The following MEN1 variants were observed in gnomAD, a reference collection of about 807,000 sequenced individuals.
MEN1 encodes the protein menin 1.
Under a neutral mutation model 58.0 loss-of-function variants are expected in MEN1, and 6 were observed. The observed-to-expected ratio is 0.10, with a 90% CI of 0.06 to 0.20. The LOEUF (loss-of-function observed/expected upper bound fraction) is 0.20. Among genes scored for constraint, MEN1 ranks in the 10% least tolerant of loss-of-function variants. The pLI, the probability that MEN1 is intolerant of heterozygous loss-of-function variation, is 1.00. For synonymous variants in MEN1, 346 were observed against 350.7 expected, an observed-to-expected ratio of 0.99 and a Z score of 0.15; for missense variants, 492 against 818.5, an observed-to-expected ratio of 0.60 and a Z score of 4.87.
chr11:64,804,799 G>A lies in MEN1; in HGVS notation c.1368C>T (p.Arg456=). Residue 456 remains arginine (R), a synonymous_variant, in exon 10 of 10, where the codon CGC becomes CGT. Coordinates refer to ENST00000450708, the MANE Select transcript of MEN1 (RefSeq NM_001370259.2). The surrounding 1 kb of genome is among the most constrained non-coding windows in gnomAD (Gnocchi z 4.2). ...CCGCCTCGGCCTCTCGGCTCACTAT[G>A]CGCACCTTCTGCCGCACCTGGGCCA... is the stretch of plus-strand genomic sequence containing the variant. The part of the protein sequence containing the change: ...RFEGQVRQKV[R]IVSREAEAAE... The A allele has an allele frequency of 1.9e-6, 3 of 1,597,340 alleles. No individual in the cohort carries two copies. Among genetic ancestry groups the A allele is most frequent in the Non-Finnish European group, 2.5e-6 (3 of 1,179,292 alleles).
rs2136136960 is a variant in MEN1, at chr11:64,807,302, G to A, written c.784-83C>T. 4 of 1,481,698 alleles carry A rather than the reference G, an allele frequency of 2.7e-6. No homozygotes were observed. The highest frequency in any genetic ancestry group is 2.4e-5 in the South Asian group (2 of 84,986). The allele number at this position is 1,481,698 out of a possible 1,614,324, so 91.8% of individuals were successfully genotyped here. ...GCCTATCGGGCAGAGGTGGGGGTCA[G>A]AACCAACAGGGACCACCCACCATGT... On this transcript the variant is annotated intron_variant, in intron 4 of 9. Coordinates refer to ENST00000450708, the MANE Select transcript of MEN1 (RefSeq NM_001370259.2). The surrounding 1 kb of genome is among the most constrained non-coding windows in gnomAD (Gnocchi z 4.9).
At chr11:64,806,016 G>A (rs1423554663) in intron 7 of MEN1, 19 of 672,930 alleles carry the variant, frequency 2.8e-5, no homozygotes, top group Non-Finnish European at 4.8e-5. Context: ...AGACTGTTCT[G>A]AGAAAAAAAA....
In MEN1 at chr11:64,805,071, G is replaced by A; in HGVS notation, c.1313C>T (p.Thr438Ile). 1 of 1,614,106 alleles carries A rather than the reference G, an allele frequency of 6.2e-7. No individual in the cohort carries two copies. Among genetic ancestry groups the A allele is most frequent in the Non-Finnish European group, 8.5e-7 (1 of 1,180,000 alleles). ...ACGGCCTAGGGACTGCACAAGAAAG[G>A]TGGCCCAGCCCACATGCAGCACAGG... ...PTPVLHVGWA[T>I]FLVQSLGRFE... is the part of the protein sequence containing the mutation. Residue 438 changes from threonine to isoleucine, a missense_variant, in exon 9 of 10, where the codon ACC (threonine) becomes ATC (isoleucine). By Grantham distance (89) the Thr-to-Ile change is moderately conservative (BLOSUM62 -1). Coordinates refer to ENST00000450708, the MANE Select transcript of MEN1 (RefSeq NM_001370259.2).
chr11:64,805,367 G>A (rs897390395), intron 8 of MEN1, among the ~76,000 whole-genome samples, 169 bp from the exon 9 acceptor site: 9 of 152,200 alleles, frequency 5.9e-5, no homozygotes, highest in African/African-American at 2.2e-4. Context: ...TCCATAGCCA[G>A]GACGTACCAT....
At chr11:64,806,475 G>T in intron 6 of MEN1, 107 bp from the exon 7 acceptor site, 1 of 1,331,496 alleles carries the variant, frequency 7.5e-7, no homozygotes, top group Non-Finnish European at 1.1e-6. Flanking sequence ...GAAGATCCCA[G>T]GGAGTCCTCT....
chr11:64,805,239 T>C (rs1226473705), intron 8 of MEN1, 41 bp from the exon 9 acceptor site: 4 of 1,606,616 alleles, frequency 2.5e-6, no homozygotes, highest in Non-Finnish European at 3.4e-6. Context: ...AGTCTCTTAC[T>C]CACCCCTTAG....
At chr11:64,808,761 T>C (rs374393702) in intron 2 of MEN1, among the ~76,000 whole-genome samples, 100 of 150,688 alleles carry the variant, frequency 6.6e-4, no homozygotes, top group African/African-American at 2.3e-3. Flanking sequence ...CTGGCTAACA[T>C]GGTGAAACCT....
intron 2 of MEN1, among the ~76,000 whole-genome samples, chr11:64,808,933 C>T (rs1253307354): frequency 4.3e-5 from 6 of 138,160 alleles, no homozygotes; most frequent in Non-Finnish European, 7.7e-5. Flanking sequence ...CCAGCCTGGG[C>T]GACAGAGTGA....
rs1399788808 is a variant in MEN1 at position 64,810,035 on chromosome 11, G to A, written c.75C>T (p.Ala25=). Residue 25 remains alanine, a synonymous_variant, in exon 2 of 10, where the codon GCC becomes GCT. Coordinates refer to ENST00000450708, the MANE Select transcript of MEN1 (RefSeq NM_001370259.2). Reference sequence around the variant, plus strand: ...GGTCCGGCTCCTCTCGGCCCAGCTCGGCAGCAAACAGGCGCACCACGTCGT... The same window carrying A: ...GGTCCGGCTCCTCTCGGCCCAGCTCAGCAGCAAACAGGCGCACCACGTCGT... ...SIDDVVRLFA[A]ELGREEPDLV... is the part of the protein sequence containing the mutation. The A allele has an allele frequency of 6.2e-7, 1 of 1,609,586 alleles. No homozygotes were observed. Among genetic ancestry groups the A allele is most frequent in the Non-Finnish European group, 8.5e-7 (1 of 1,178,234 alleles).
In MEN1 at chr11:64,803,777, G is replaced by C; in HGVS notation, c.*557C>G. 1.2e-5 allele frequency: 3 copies of C among 243,726 alleles called. No individual in the cohort carries two copies. Among genetic ancestry groups the C allele is most frequent in the Middle Eastern group, 1.3e-3 (1 of 796 alleles). 15.1% of individuals were successfully genotyped at this position (243,726 alleles called of 1,614,324 possible). A position where few individuals can be genotyped will look rare whatever the true frequency, so the allele number is the denominator to read the frequency against. On this transcript the variant is annotated 3_prime_UTR_variant, in exon 10 of 10. Transcript: ENST00000450708. ...GGGCGGAGTTTTGTGTCCCAGACTC[G>C]GGATACGAAGGAGAGGAAACTAGGA...
chr11:64,809,074 C>T (rs567605481), intron 2 of MEN1, among the ~76,000 whole-genome samples: 1 of 151,768 alleles, frequency 6.6e-6, no homozygotes, highest in East Asian at 1.9e-4. Context: ...CCAGTCTGGG[C>T]CACATAGTGA....
rs1592640172 is a variant in MEN1, at chr11:64,805,684, G to T, written c.1136C>A (p.Ala379Glu). 6.2e-7 allele frequency: 1 copy of T among 1,614,076 alleles called. No homozygotes were observed. The highest frequency in any genetic ancestry group is 8.5e-7 in the Non-Finnish European group (1 of 1,180,030). Residue 379 changes from alanine (A) to glutamate (E), a missense_variant, in exon 8 of 10, where the codon GCA becomes GAA. This residue lies in a region of MEN1 where 335 missense variants were observed against 550.3 expected (regional missense o/e 0.61). Coordinates refer to ENST00000450708, the MANE Select transcript of MEN1 (RefSeq NM_001370259.2). ...NDVIPNLLKE[A>E]ASLLEAGEER... ...CTCGCCCGCCTCCAGCAAGCTGGCT[G>T]CCTCCTTCAGCAGGTTGGGGATGAC...
Position 64,809,633 on chromosome 11 carries a change from A to G in MEN1, c.445+32T>C, listed in dbSNP as rs760480349. The G allele has an allele frequency of 1.9e-6, 3 of 1,612,720 alleles. No individual in the cohort carries two copies. The African/African-American group carries it at 4.0e-5, about 22-fold the overall frequency. On this transcript the variant is annotated intron_variant, in intron 2 of 9. Coordinates refer to ENST00000450708, the MANE Select transcript of MEN1 (RefSeq NM_001370259.2). ...ATGGAGGGTTTTGAAGAAGTGGGTC[A>G]TGGATAAGATTCCCACCTACTGGGC...
In MEN1 at chr11:64,804,523, A is replaced by G. The variant is rs1941507362; in HGVS notation, c.1644T>C (p.Gly548=). 1 of 1,613,708 alleles carries G rather than the reference A, an allele frequency of 6.2e-7. No homozygotes were observed. Among genetic ancestry groups the G allele is most frequent in the Non-Finnish European group, 8.5e-7 (1 of 1,179,974 alleles). The change falls in exon 10 of 10, where the codon GGT becomes GGC. Residue 548 remains glycine (G), a synonymous_variant. Transcript: ENST00000450708. This position sits in a 1 kb window ranked among gnomAD's most constrained non-coding sequence, Gnocchi z 4.2. ...TCTCACTCTGGAAAGTGAGCACTGG[A>G]CCCTCCGGCGGTGGTGATGCTGTGG... is the stretch of plus-strand genomic sequence containing the variant. ...PAPTASPPPE[G]PVLTFQSEKM... is the part of the protein sequence containing the mutation.
chr11:64,807,420 G>T lies in MEN1; in HGVS notation c.783+132C>A. ...CTCCCAAGAGCCCTGGGAAAGGCCA[G>T]GCCAGGAATTACTAACCCATTTTTC... On this transcript the variant is annotated intron_variant, in intron 4 of 9. Coordinates refer to ENST00000450708, the MANE Select transcript of MEN1 (RefSeq NM_001370259.2). The surrounding 1 kb of genome is among the most constrained non-coding windows in gnomAD (Gnocchi z 4.9). The T allele has an allele frequency of 8.9e-7, 1 of 1,118,566 alleles. No individual in the cohort carries two copies. The highest frequency in any genetic ancestry group is 1.3e-6 in the Non-Finnish European group (1 of 759,648). The allele number at this position is 1,118,566 out of a possible 1,614,324, so 69.3% of individuals were successfully genotyped here. A position where few individuals can be genotyped will look rare whatever the true frequency, so the allele number is the denominator to read the frequency against.
chr11:64,805,581 G>T, intron 8 of MEN1, 54 bp downstream of exon 8: 1 of 1,606,604 alleles, frequency 6.2e-7, no homozygotes, highest in Non-Finnish European at 8.5e-7. Context: ...GCCTGTGGAA[G>T]GGAGCCCTGT....
rs1941437362 is a variant in MEN1, at chr11:64,803,790, G to C, written c.*544C>G. ...TGTCCCAGACTCGGGATACGAAGGA[G>C]AGGAAACTAGGATTTCCAAATTCTG... is the stretch of plus-strand genomic sequence containing the variant. On this transcript the variant is annotated 3_prime_UTR_variant, in exon 10 of 10. Coordinates refer to ENST00000450708, the MANE Select transcript of MEN1 (RefSeq NM_001370259.2). 1 of 244,530 alleles carries C rather than the reference G, an allele frequency of 4.1e-6. No homozygotes were observed. Among genetic ancestry groups the C allele is most frequent in the Admixed American group, 5.0e-5 (1 of 19,984 alleles). The allele number at this position is 244,530 out of a possible 1,614,324, so 15.1% of individuals were successfully genotyped here.
intron 7 of MEN1, 84 bp downstream of exon 7, chr11:64,806,143 AGCCAG>A: frequency 6.5e-7 from 1 of 1,545,462 alleles, no homozygotes; most frequent in Non-Finnish European, 8.9e-7. Context: ...GGGGCGTGGG[AGCCAG>A]GCCTCAGTCC....
In MEN1 at chr11:64,809,966, C is replaced by A. The variant is rs1329477531; in HGVS notation, c.144G>T (p.Leu48=). The change falls in exon 2 of 10, where the codon CTG becomes CTT. Residue 48 remains leucine, a synonymous_variant. Coordinates refer to ENST00000450708, the MANE Select transcript of MEN1 (RefSeq NM_001370259.2). Reference sequence around the variant, plus strand: ...TGGTAGGGATGACGCGGTTGACAGCCAGAAAATGCTCCACGAAGCCCAGCA... The same window carrying A: ...TGGTAGGGATGACGCGGTTGACAGCAAGAAAATGCTCCACGAAGCCCAGCA... ...SLVLGFVEHF[L]AVNRVIPTNV... is the part of the protein sequence containing the mutation. 6.3e-7 allele frequency: 1 copy of A among 1,588,910 alleles called. No homozygotes were observed. Among genetic ancestry groups the A allele is most frequent in the Admixed American group, 1.8e-5 (1 of 55,678 alleles).
Sources: gnomAD v4.1 joint callset for allele counts (sites outside exome capture counted in the v4.1 genomes callset) on GRCh38, gnomAD v4.1.1 for gene constraint, gnomAD v4.1.1 regional missense constraint, Gnocchi (gnomAD v3.1) non-coding constraint, MANE v1.5 for transcripts, NCBI Gene and HGNC (gene_info 2026-07-23, HGNC 2026-07-21) for gene names.